Variants in SPPL3 observed in about 807,000 individuals in gnomAD.
The protein encoded by SPPL3 is signal peptide peptidase like 3.
In SPPL3, 5 loss-of-function variants were observed where a neutral mutation model predicts 42.4. That is an observed-to-expected ratio of 0.12 (90% CI 0.06 to 0.25). The LOEUF is 0.25. Ranked by LOEUF, SPPL3 falls within the 10% of genes least tolerant of loss-of-function variation. The probability of loss-of-function intolerance (pLI) is 1.00; values close to 1 mark genes in which losing one functional copy is unlikely to be tolerated. For missense variants in SPPL3, 235 were observed against 489.0 expected (o/e 0.48, Z 4.90); for synonymous variants, 195 against 181.8 (o/e 1.07, Z -0.58).
At chr12:120,862,321 G>A (rs1197022521) in intron 1 of SPPL3, among the ~76,000 whole-genome samples, 1 of 152,048 alleles carries the variant, frequency 6.6e-6, no homozygotes, top group African/African-American at 2.4e-5. Context: ...ATAATTAGAT[G>A]TTCATCAATT....
At chr12:120,786,465 A>G (rs1041712090) in intron 3 of SPPL3, among the ~76,000 whole-genome samples, 1 of 152,232 alleles carries the variant, frequency 6.6e-6, no homozygotes, top group African/African-American at 2.4e-5. Flanking sequence ...GAGTCTATAG[A>G]CAGATTATAC....
In SPPL3 at chr12:120,766,100, G is replaced by GCACACACACA. The variant is rs111837123; in HGVS notation, c.1083+153_1083+162dup. Among the ~76,000 whole-genome samples, 47 of 84,136 alleles carry GCACACACACA rather than the reference G, an allele frequency of 5.6e-4. 1 individual carries two copies. In the South Asian group the frequency reaches 7.6e-3, roughly 14 times the overall value. The allele number at this position is 84,136 out of a possible 152,430, so 55.2% of individuals were successfully genotyped here. A position where few individuals can be genotyped will look rare whatever the true frequency, so the allele number is the denominator to read the frequency against. On this transcript the variant is annotated intron_variant, in intron 10 of 10. Coordinates refer to ENST00000353487, the MANE Select transcript of SPPL3 (RefSeq NM_139015.5). ...GCTAACGCCAGGGTAGCGCGCGCGCGCACACACACACACACACACACACAC... is the reference window on the plus strand; with the variant it reads ...GCTAACGCCAGGGTAGCGCGCGCGCGCACACACACACACACACACACACACACACACACAC...
chr12:120,820,476 C>T (rs11065278), intron 1 of SPPL3, among the ~76,000 whole-genome samples: 20,307 of 151,866 alleles, frequency 0.13, 2,160 homozygotes, highest in African/African-American at 0.3. Flanking sequence ...CCACCACATC[C>T]GGCTAATTTT....
At position 120,764,961 on chromosome 12, in the gene SPPL3, G is replaced by A. The variant is rs1713483775; in HGVS notation, c.*38C>T. On this transcript the variant is annotated 3_prime_UTR_variant, in exon 11 of 11. Transcript: ENST00000353487. The stretch of plus-strand genomic sequence containing the variant: ...AACAAACCATGAGTTGAGAGAAAAG[G>A]ACTATGACGGCCATCTGGTCACTTT... 6.2e-7 allele frequency: 1 copy of A among 1,605,384 alleles called. No homozygotes were observed. Among genetic ancestry groups the A allele is most frequent in the Non-Finnish European group, 8.5e-7 (1 of 1,174,078 alleles).
intron 1 of SPPL3, among the ~76,000 whole-genome samples, chr12:120,895,859 C>T (rs989923747): frequency 2.0e-5 from 3 of 152,216 alleles, no homozygotes; most frequent in African/African-American, 7.2e-5. Context: ...ACCACCCTCA[C>T]GCTAAAGATT....
At chr12:120,889,041 T>A (rs529371661) in intron 1 of SPPL3, among the ~76,000 whole-genome samples, 11 of 152,094 alleles carry the variant, frequency 7.2e-5, no homozygotes, top group African/African-American at 2.4e-4. Context: ...CTTGAACCCC[T>A]GACCTCGGGT....
intron 1 of SPPL3, among the ~76,000 whole-genome samples, chr12:120,891,153 G>T (rs1873628070): frequency 6.6e-6 from 1 of 152,006 alleles, no homozygotes; most frequent in Non-Finnish European, 1.5e-5. Context: ...ACTTCTACTT[G>T]TTATTCCCTT....
chr12:120,789,824 CAAAAAAA>C (rs3050392), intron 3 of SPPL3, among the ~76,000 whole-genome samples: 19 of 30,466 alleles, frequency 6.2e-4, no homozygotes, highest in African/African-American at 1.4e-3. Context: ...GACTCCGTCT[CAAAAAAA>C]AAAAAAAAAA....
intron 1 of SPPL3, among the ~76,000 whole-genome samples, chr12:120,839,808 C>T (rs537158194): frequency 1.3e-5 from 2 of 152,062 alleles, no homozygotes; most frequent in African/African-American, 4.8e-5. Flanking sequence ...AATCCCACTC[C>T]TAGGTATAGT....
intron 1 of SPPL3, among the ~76,000 whole-genome samples, chr12:120,822,257 T>G (rs1871094236): frequency 6.6e-6 from 1 of 152,234 alleles, no homozygotes; most frequent in African/African-American, 2.4e-5. Flanking sequence ...AAATTTCAAA[T>G]TGTATGTTAT....
intron 2 of SPPL3, among the ~76,000 whole-genome samples, chr12:120,806,586 C>T (rs1428344540): frequency 2.0e-5 from 3 of 152,088 alleles, no homozygotes; most frequent in East Asian, 1.9e-4. Flanking sequence ...CGGTGGCTCA[C>T]GCCTGTAATC....
chr12:120,771,580 C>T (rs577787451), intron 6 of SPPL3, among the ~76,000 whole-genome samples: 1 of 152,302 alleles, frequency 6.6e-6, no homozygotes, highest in East Asian at 1.9e-4. Flanking sequence ...ATTCTCACTG[C>T]CCTCAACTCC....
intron 2 of SPPL3, among the ~76,000 whole-genome samples, chr12:120,806,853 A>AAG (rs1566047259): frequency 2.7e-5 from 4 of 146,108 alleles, no homozygotes; most frequent in Admixed American, 6.8e-5. Context: ...TTAAAAAAAA[A>AAG]AAAGAAAGAA....
At chr12:120,809,230 A>G (rs1363338823) in intron 2 of SPPL3, among the ~76,000 whole-genome samples, 2 of 152,152 alleles carry the variant, frequency 1.3e-5, no homozygotes, top group East Asian at 3.9e-4. Flanking sequence ...CTGTAGTCCC[A>G]GCTATTCAGG....
rs371092255 is a variant in SPPL3 at position 120,764,949 on chromosome 12, T to G, written c.*50A>C. On this transcript the variant is annotated 3_prime_UTR_variant, in exon 11 of 11. Coordinates refer to ENST00000353487, the MANE Select transcript of SPPL3 (RefSeq NM_139015.5). ...GCTCTAAGAGGAAACAAACCATGAGTTGAGAGAAAAGGACTATGACGGCCA... is the reference window on the plus strand; with the variant it reads ...GCTCTAAGAGGAAACAAACCATGAGGTGAGAGAAAAGGACTATGACGGCCA... The G allele has an allele frequency of 1.3e-5, 21 of 1,589,212 alleles. 1 individual carries two copies. The South Asian group carries it at 2.1e-4, about 16-fold the overall frequency.
intron 1 of SPPL3, among the ~76,000 whole-genome samples, chr12:120,827,763 A>G (rs1248172949): frequency 6.6e-6 from 1 of 151,912 alleles, no homozygotes; most frequent in African/African-American, 2.4e-5. Context: ...ACCATTTTCC[A>G]GACTGGCCCA....
At chr12:120,779,645 CA>C (rs1869452209) in intron 6 of SPPL3, among the ~76,000 whole-genome samples, 1 of 151,894 alleles carries the variant, frequency 6.6e-6, no homozygotes, top group Middle Eastern at 3.4e-3. Context: ...TTTGAGATTA[CA>C]AAAGTGAACT....
chr12:120,786,591 C>T (rs750084777), intron 3 of SPPL3, among the ~76,000 whole-genome samples: 1 of 151,574 alleles, frequency 6.6e-6, no homozygotes, highest in Non-Finnish European at 1.5e-5. Flanking sequence ...GTTCAGTCTG[C>T]AATTACATGC....
intron 1 of SPPL3, among the ~76,000 whole-genome samples, chr12:120,868,384 A>G (rs1872820432): frequency 6.6e-6 from 1 of 152,244 alleles, no homozygotes; most frequent in African/African-American, 2.4e-5. Context: ...ACTGCTTTTC[A>G]AAGTGTAGTC....
Sources: gnomAD v4.1 joint callset for allele counts (sites outside exome capture counted in the v4.1 genomes callset) on GRCh38, gnomAD v4.1.1 for gene constraint, MANE v1.5 for transcripts, NCBI Gene and HGNC (gene_info 2026-07-23, HGNC 2026-07-21) for gene names.